Variants in CD1A observed in about 807,000 individuals in gnomAD.
CD1A encodes the protein T-cell surface glycoprotein CD1a.
Under a neutral mutation model 38.3 loss-of-function variants are expected in CD1A, and 50 were observed. That is an observed-to-expected ratio of 1.30 (90% CI 1.04 to 1.65). CD1A has a LOEUF of 1.65. Ranked by LOEUF, CD1A falls within the 40% of genes most tolerant of loss-of-function variation. The pLI, the probability that CD1A is intolerant of heterozygous loss-of-function variation, is 0.00. For missense variants in CD1A, 459 were observed against 406.1 expected, an observed-to-expected ratio of 1.13 and a Z score of -1.12; for synonymous variants, 160 against 150.8, an observed-to-expected ratio of 1.06 and a Z score of -0.45.
Position 158,254,505 on chromosome 1 carries a change from A to G in CD1A, c.-165A>G, listed in dbSNP as rs1467615958. The G allele has an allele frequency of 1.4e-6, 2 of 1,462,596 alleles. No individual in the cohort carries two copies. Among genetic ancestry groups the G allele is most frequent in the South Asian group, 2.8e-5 (2 of 72,438 alleles). The allele number at this position is 1,462,596 out of a possible 1,614,324, so 90.6% of individuals were successfully genotyped here. A position where few individuals can be genotyped will look rare whatever the true frequency, so the allele number is the denominator to read the frequency against. On this transcript the variant is annotated 5_prime_UTR_variant, in exon 1 of 6. Transcript: ENST00000289429. ...GAGGGAAATGAGAGACTGAGTAGGC[A>G]TCTCAGGGTTTTTGAAGGAGTGGAT...
chr1:158,254,205 G>A (rs1650164328), upstream of CD1A: 8 of 1,012,280 alleles, frequency 7.9e-6, no homozygotes, highest in African/African-American at 1.7e-5. Context: ...ATGTAGTAAG[G>A]GGCTGAAGAG....
At chr1:158,255,771 C>A (rs1005953259) in intron 2 of CD1A, among the ~76,000 whole-genome samples, 1 of 152,146 alleles carries the variant, frequency 6.6e-6, no homozygotes, top group African/African-American at 2.4e-5. Flanking sequence ...CTTGCTCACC[C>A]ACAGCATTCA....
chr1:158,254,648 G>A lies in CD1A; in HGVS notation c.-22G>A, dbSNP rs1391659314. The A allele has an allele frequency of 6.2e-7, 1 of 1,613,994 alleles. No individual in the cohort carries two copies. The highest frequency in any genetic ancestry group is 8.5e-7 in the Non-Finnish European group (1 of 1,179,964). On this transcript the variant is annotated 5_prime_UTR_variant, in exon 1 of 6. Coordinates refer to ENST00000289429, the MANE Select transcript of CD1A (RefSeq NM_001763.3). ...TCAAAGACCAATTTTTCTGAGAGAAGGAAATAACATCTGCAAATGATATGC... is the reference window on the plus strand; with the variant it reads ...TCAAAGACCAATTTTTCTGAGAGAAAGAAATAACATCTGCAAATGATATGC...
upstream of CD1A, chr1:158,254,225 G>C: frequency 9.8e-7 from 1 of 1,022,058 alleles, no homozygotes; most frequent in Non-Finnish European, 1.2e-6. Context: ...GACAGGGGAA[G>C]AGAATACATG....
At chr1:158,255,821 A>C (rs1477128277) in intron 2 of CD1A, among the ~76,000 whole-genome samples, 183 bp from the exon 3 acceptor site, 7 of 152,080 alleles carry the variant, frequency 4.6e-5, no homozygotes, top group Admixed American at 4.6e-4. Context: ...TCCTCATGTT[A>C]TTAATCTTTT....
At chr1:158,256,423 C>A in intron 3 of CD1A, 141 bp downstream of exon 3, 1 of 839,762 alleles carries the variant, frequency 1.2e-6, no homozygotes, top group Non-Finnish European at 1.8e-6. Context: ...AATCCCAGTA[C>A]TTTGGGAAGC....
intron 2 of CD1A, among the ~76,000 whole-genome samples, chr1:158,255,613 C>T (rs923216116): frequency 1.3e-5 from 2 of 152,108 alleles, no homozygotes; most frequent in Non-Finnish European, 2.9e-5. Context: ...CCAGGACCAC[C>T]CTTCTGCCTG....
chr1:158,255,009 G>C (rs756987480), intron 1 of CD1A, 75 bp from the exon 2 acceptor site: 2 of 1,451,544 alleles, frequency 1.4e-6, no homozygotes, highest in South Asian at 1.2e-5. Context: ...CTGAGTTCCC[G>C]CACTCTGGCA....
At position 158,256,937 on chromosome 1, in the gene CD1A, C is replaced by T. The variant is rs1245413653; in HGVS notation, c.756C>T (p.Ile252=). The T allele has an allele frequency of 6.2e-7, 1 of 1,614,066 alleles. No homozygotes were observed. Among genetic ancestry groups the T allele is most frequent in the Non-Finnish European group, 8.5e-7 (1 of 1,180,040 alleles). The stretch of plus-strand genomic sequence containing the variant: ...AGCAGGGCACTCAGCGAGGGGACAT[C>T]TTGCCCAGTGCTGATGGGACATGGT... The part of the protein sequence containing the change: ...QEQQGTQRGD[I]LPSADGTWYL... Residue 252 remains isoleucine, a synonymous_variant, in exon 4 of 6, where the codon ATC becomes ATT. Transcript: ENST00000289429.
chr1:158,256,906 A>G lies in CD1A; in HGVS notation c.725A>G (p.Gln242Arg). 6.2e-7 allele frequency: 1 copy of G among 1,614,212 alleles called. No individual in the cohort carries two copies. Among genetic ancestry groups the G allele is most frequent in the Non-Finnish European group, 8.5e-7 (1 of 1,180,036 alleles). Residue 242 changes from glutamine (Q) to arginine (R), a missense_variant, in exon 4 of 6, where the codon CAG becomes CGG. By Grantham distance (43) the Gln-to-Arg change is conservative. Transcript: ENST00000289429. ...PVWVMWMRGE[Q>R]EQQGTQRGDI... The stretch of plus-strand genomic sequence containing the variant: ...TGGGTGATGTGGATGCGGGGTGAGC[A>G]GGAGCAGCAGGGCACTCAGCGAGGG...
Position 158,257,470 on chromosome 1 carries a change from A to G in CD1A, c.933A>G (p.Leu311=). The G allele has an allele frequency of 6.2e-7, 1 of 1,614,048 alleles. No individual in the cohort carries two copies. Among genetic ancestry groups the G allele is most frequent in the Non-Finnish European group, 8.5e-7 (1 of 1,179,962 alleles). Residue 311 remains leucine (L), a synonymous_variant, in exon 5 of 6, where the codon TTA becomes TTG. Transcript: ENST00000289429. The stretch of plus-strand genomic sequence containing the variant: ...TCATCTTGGCGGTGATAGTGCCTTT[A>G]CTTCTTCTGATAGGTCTTGCGCTTT... The part of the protein sequence containing the change: ...GFIILAVIVP[L]LLLIGLALWF...
upstream of CD1A, among the ~76,000 whole-genome samples, chr1:158,253,572 T>C (rs1650142368): frequency 6.6e-6 from 1 of 152,154 alleles, no homozygotes; most frequent in South Asian, 2.1e-4. Context: ...AATTAAAAAA[T>C]GGATGCATAG....
rs1650174908 is a variant in CD1A, at chr1:158,254,550, G to A, written c.-120G>A. The A allele has an allele frequency of 1.3e-6, 2 of 1,564,596 alleles. No individual in the cohort carries two copies. The highest frequency in any genetic ancestry group is 8.6e-7 in the Non-Finnish European group (1 of 1,157,024). ...GTGGATTTTCTTTGTTGCAGTCAGG[G>A]GAGGTTTGTCTGTTGGCTGCAGAAA... is the stretch of plus-strand genomic sequence containing the variant. On this transcript the variant is annotated 5_prime_UTR_variant, in exon 1 of 6. Transcript: ENST00000289429.
At chr1:158,254,850 C>T in intron 1 of CD1A, 123 bp downstream of exon 1, 1 of 876,328 alleles carries the variant, frequency 1.1e-6, no homozygotes, top group South Asian at 1.4e-5. Flanking sequence ...CTAGCATATA[C>T]CTGGAAAGTG....
intron 5 of CD1A, 60 bp downstream of exon 5, chr1:158,257,571 T>C (rs1418368204): frequency 7.0e-6 from 11 of 1,577,668 alleles, no homozygotes; most frequent in East Asian, 2.2e-5. Flanking sequence ...TCTTCCCATG[T>C]TTTTTGTTTT....
rs779800126 is a variant in CD1A, at chr1:158,256,840, AG to A, written c.660del (p.Gln220HisfsTer16). 1 of 1,614,222 alleles carries A rather than the reference AG, an allele frequency of 6.2e-7. No individual in the cohort carries two copies. Among genetic ancestry groups the A allele is most frequent in the Admixed American group, 1.7e-5 (1 of 60,022 alleles). On this transcript the variant is annotated frameshift_variant, in exon 4 of 6. Transcript: ENST00000289429. LOFTEE classifies it high-confidence loss of function. ...CCCAGTCCTGGCCCTGGCCATCTGCAGCTTGTGTGCCATGTCTCAGGATTCT... is the reference window on the plus strand; with the variant it reads ...CCCAGTCCTGGCCCTGGCCATCTGCACTTGTGTGCCATGTCTCAGGATTCT... ...HGPSPGPGHL[Q>X]LVCHVSGFYP... is the part of the protein sequence containing the mutation.
chr1:158,254,785 CTGTGTGTGTGTGTGTG>C lies in CD1A; in HGVS notation c.58+91_58+106del, dbSNP rs55696033. ...TGGGTGAAGGTCTCTCTCTCTCTCT[CTGTGTGTGTGTGTGTG>C]TGTGTGTGTGTGTGTGTGTGTGTGT... On this transcript the variant is annotated intron_variant, in intron 1 of 5. Coordinates refer to ENST00000289429, the MANE Select transcript of CD1A (RefSeq NM_001763.3). The C allele has an allele frequency of 7.6e-4, 519 of 684,420 alleles. 4 individuals are homozygous for C. Among genetic ancestry groups the C allele is most frequent in the Middle Eastern group, 1.6e-3 (6 of 3,868 alleles). 42.4% of individuals were successfully genotyped at this position (684,420 alleles called of 1,614,324 possible).
upstream of CD1A, among the ~76,000 whole-genome samples, chr1:158,252,007 TA>T (rs1408473758): frequency 2.0e-5 from 3 of 152,180 alleles, no homozygotes; most frequent in Non-Finnish European, 4.4e-5. Context: ...ATTTTTGTAT[TA>T]TTACTACAGA....
the CD1A span, among the ~76,000 whole-genome samples, chr1:158,249,137 A>G: frequency 6.6e-6 from 1 of 152,170 alleles, no homozygotes; most frequent in East Asian, 1.9e-4. Context: ...TCTTTTCCTT[A>G]TCAAACCTAA....
Sources: allele counts gnomAD v4.1 joint callset (sites outside exome capture counted in the v4.1 genomes callset), GRCh38; gene constraint gnomAD v4.1.1; transcripts MANE v1.5; gene names NCBI Gene and HGNC (gene_info 2026-07-23, HGNC 2026-07-21).